The following PTPRD variants were observed in gnomAD, a reference collection of about 807,000 sequenced individuals.
PTPRD encodes the protein protein tyrosine phosphatase receptor type D.
A neutral mutation model predicts 214.5 loss-of-function variants in PTPRD; 34 were observed. The ratio of observed to expected loss-of-function variants is 0.16; its 90% confidence interval spans 0.12 to 0.21. The LOEUF is 0.21. Among genes scored for constraint, PTPRD ranks in the 10% least tolerant of loss-of-function variants. The pLI, the probability that PTPRD is intolerant of heterozygous loss-of-function variation, is 1.00. For missense variants in PTPRD, 2,545 were observed against 2,398.7 expected (o/e 1.06, Z -1.27); for synonymous variants, 1,128 against 845.7 (o/e 1.33, Z -5.79).
chr9:8,359,128 A>C (rs1397297724), intron 39 of PTPRD, among the ~76,000 whole-genome samples: 9 of 123,196 alleles, frequency 7.3e-5, no homozygotes, highest in South Asian at 4.5e-4. Context: ...AAAAACAAAA[A>C]AAAAAAAAAA....
At position 9,059,666 on chromosome 9, in the gene PTPRD, T is replaced by C. The variant is rs866299878; in HGVS notation, c.-142-40931A>G. ...ATGCCAAAAAGATAGAAACATATTA[T>C]TAAATAAAGAATATATAATTTTGTA... On this transcript the variant is annotated intron_variant, in intron 10 of 45. Coordinates refer to ENST00000381196, the MANE Select transcript of PTPRD (RefSeq NM_002839.4). Among the ~76,000 whole-genome samples the C allele has an allele frequency of 1.6e-4, 24 of 152,110 alleles. No individual in the cohort carries two copies. In the South Asian group the frequency reaches 2.9e-3, roughly 18 times the overall value.
chr9:9,412,669 G>A (rs368895908), intron 8 of PTPRD, among the ~76,000 whole-genome samples: 16 of 151,984 alleles, frequency 1.1e-4, no homozygotes, highest in African/African-American at 3.6e-4. Context: ...ACCTCTCTTC[G>A]CTCTATTAAA....
intron 5 of PTPRD, among the ~76,000 whole-genome samples, chr9:9,821,366 G>A (rs961478334): frequency 6.6e-6 from 1 of 152,130 alleles, no homozygotes; most frequent in Admixed American, 6.6e-5. Context: ...TGGTAGGGTG[G>A]AAGGGATTGT....
chr9:10,558,444 T>C lies in PTPRD; in HGVS notation c.-600+53954A>G, dbSNP rs757246057. On this transcript the variant is annotated intron_variant, in intron 2 of 45. Transcript: ENST00000381196. ...GTGTTTAGCAAATCCACCAAGGAGA[T>C]GTACCTTCATACACATTTCATCATG... Among the ~76,000 whole-genome samples, 54 of 152,242 alleles carry C rather than the reference T, an allele frequency of 3.5e-4. 1 individual carries two copies. Among genetic ancestry groups the C allele is most frequent in the Middle Eastern group, 6.8e-3 (2 of 294 alleles).
At chr9:8,618,523 A>G (rs996521395) in intron 14 of PTPRD, among the ~76,000 whole-genome samples, 1 of 152,082 alleles carries the variant, frequency 6.6e-6, no homozygotes, top group East Asian at 1.9e-4. Context: ...CTAGATTCTC[A>G]GACCAATGGT....
chr9:10,109,904 A>G (rs963518101), intron 3 of PTPRD, among the ~76,000 whole-genome samples: 4 of 152,110 alleles, frequency 2.6e-5, no homozygotes, highest in Non-Finnish European at 5.9e-5. Context: ...AGCAGCCCCA[A>G]ACTGTCAAAA....
intron 26 of PTPRD, 105 bp downstream of exon 26, chr9:8,497,137 T>A: frequency 1.0e-6 from 1 of 957,342 alleles, no homozygotes; most frequent in Non-Finnish European, 1.6e-6. Context: ...TGTTAGTTCA[T>A]GCATCCAAGC....
At chr9:10,069,925 CAT>C (rs1368367584) in intron 3 of PTPRD, among the ~76,000 whole-genome samples, 3 of 152,060 alleles carry the variant, frequency 2.0e-5, no homozygotes, top group African/African-American at 7.2e-5. Context: ...ATTTAGCACA[CAT>C]AGTATAAATG....
At chr9:8,608,144 C>T (rs1286219864) in intron 14 of PTPRD, among the ~76,000 whole-genome samples, 1 of 151,240 alleles carries the variant, frequency 6.6e-6, no homozygotes, top group Non-Finnish European at 1.5e-5. Context: ...ATCTAGACTT[C>T]TGTATAGGAT....
At chr9:8,703,622 C>T (rs556205037) in intron 12 of PTPRD, among the ~76,000 whole-genome samples, 18 of 152,300 alleles carry the variant, frequency 1.2e-4, no homozygotes, top group African/African-American at 3.4e-4. Flanking sequence ...CTCGACTTCT[C>T]ATCCTCACCT....
chr9:8,740,998 G>C (rs2091775377), intron 11 of PTPRD, among the ~76,000 whole-genome samples: 1 of 151,998 alleles, frequency 6.6e-6, no homozygotes, highest in African/African-American at 2.4e-5. Context: ...AAAGTCAATA[G>C]CTATTATTCT....
intron 14 of PTPRD, among the ~76,000 whole-genome samples, chr9:8,577,415 C>T (rs1254675814): frequency 2.0e-5 from 3 of 152,030 alleles, no homozygotes; most frequent in Non-Finnish European, 4.4e-5. Flanking sequence ...GCCACCACAC[C>T]CAGAAAAAAT....
At chr9:10,323,689 T>C (rs1270401410) in intron 3 of PTPRD, among the ~76,000 whole-genome samples, 4 of 151,966 alleles carry the variant, frequency 2.6e-5, no homozygotes, top group African/African-American at 4.8e-5. Flanking sequence ...ATCTGTTTAA[T>C]ATGCAGTTGC....
chr9:8,513,952 G>A (rs1488110920), intron 21 of PTPRD, among the ~76,000 whole-genome samples: 1 of 152,036 alleles, frequency 6.6e-6, no homozygotes, highest in Non-Finnish European at 1.5e-5. Context: ...AAGATTCTTG[G>A]AAACATCTTC....
At chr9:8,742,466 C>G (rs1212517658) in intron 11 of PTPRD, among the ~76,000 whole-genome samples, 1 of 152,066 alleles carries the variant, frequency 6.6e-6, no homozygotes, top group Admixed American at 6.6e-5. Flanking sequence ...CTTTAAAAAT[C>G]AAAACAGGTT....
chr9:9,914,438 C>T (rs892199122), intron 5 of PTPRD, among the ~76,000 whole-genome samples: 69 of 152,262 alleles, frequency 4.5e-4, no homozygotes, highest in African/African-American at 1.5e-3. Context: ...CGTGTAGCCA[C>T]GTCAGGGGCC....
chr9:9,796,768 G>A (rs2099005188), intron 5 of PTPRD, among the ~76,000 whole-genome samples: 1 of 152,200 alleles, frequency 6.6e-6, no homozygotes, highest in Non-Finnish European at 1.5e-5. Flanking sequence ...AAAGGGCCAT[G>A]AGGACTGAGA....
At chr9:10,238,635 G>C (rs904848416) in intron 3 of PTPRD, among the ~76,000 whole-genome samples, 12 of 151,778 alleles carry the variant, frequency 7.9e-5, no homozygotes, top group African/African-American at 2.9e-4. Flanking sequence ...TTCCCAAAGA[G>C]GCTAATTAAC....
chr9:9,194,581 A>G (rs923020286), intron 9 of PTPRD, among the ~76,000 whole-genome samples: 1 of 152,140 alleles, frequency 6.6e-6, no homozygotes, highest in Non-Finnish European at 1.5e-5. Context: ...TGTTGTTGAC[A>G]AAAGCATTGC....
Sources: allele counts gnomAD v4.1 joint callset (sites outside exome capture counted in the v4.1 genomes callset), GRCh38; gene constraint gnomAD v4.1.1; transcripts MANE v1.5; gene names NCBI Gene and HGNC (gene_info 2026-07-23, HGNC 2026-07-21).